ITGAE: variants seen among roughly 807,000 people sequenced by gnomAD.
ITGAE encodes the protein integrin alpha-E.
In ITGAE, 99 loss-of-function variants were observed where a neutral mutation model predicts 136.5. The observed-to-expected ratio is 0.73, with a 90% CI of 0.62 to 0.86. The LOEUF (loss-of-function observed/expected upper bound fraction) is 0.86, where lower values mean the gene tolerates loss of function less well. Among genes scored for constraint, ITGAE ranks in the 40% least tolerant of loss-of-function variants. The pLI is 0.00. For missense variants in ITGAE, 1,447 were observed against 1,515.3 expected (o/e 0.95, Z 0.75); for synonymous variants, 613 against 591.8 (o/e 1.04, Z -0.52).
chr17:3,733,017 T>C (rs2051381226), intron 21 of ITGAE, among the ~76,000 whole-genome samples: 1 of 152,170 alleles, frequency 6.6e-6, no homozygotes. Flanking sequence ...GGAGTTTCAC[T>C]CTTTCGCCCA....
intron 14 of ITGAE, among the ~76,000 whole-genome samples, chr17:3,752,118 T>C (rs2051887228): frequency 1.3e-5 from 2 of 151,962 alleles, no homozygotes; most frequent in Admixed American, 6.5e-5. Context: ...GCCCACTCCG[T>C]TGCCACCCAG....
intron 14 of ITGAE, 23 bp from the exon 15 acceptor site, chr17:3,751,897 A>C: frequency 1.2e-4 from 189 of 1,594,662 alleles, no homozygotes; most frequent in Non-Finnish European, 1.5e-4. Context: ...CAAACAGCTC[A>C]GCCCTCAAGA....
At chr17:3,747,721 A>G (rs1357143574) in intron 17 of ITGAE, among the ~76,000 whole-genome samples, 1 of 152,086 alleles carries the variant, frequency 6.6e-6, no homozygotes, top group African/African-American at 2.4e-5. Flanking sequence ...ACATAACCTC[A>G]GACCACCCTT....
chr17:3,795,930 CGTGT>C (rs10643973), intron 1 of ITGAE, among the ~76,000 whole-genome samples: 1 of 113,046 alleles, frequency 8.8e-6, no homozygotes, highest in Non-Finnish European at 1.8e-5. Context: ...TGTGTGCATC[CGTGT>C]GTGTGCATCC....
rs193072352 is a variant in ITGAE at position 3,776,435 on chromosome 17, G to A, written c.155+1105C>T. Among the ~76,000 whole-genome samples the A allele has an allele frequency of 6.5e-4, 99 of 152,266 alleles. 2 individuals carry two copies. The South Asian group carries it at 0.014, about 22-fold the overall frequency. ...TCCTGTGAAGTAGGTAGTTCCCCAC[G>A]CTGACTGCAGAGAAGGGAAACTGAA... On this transcript the variant is annotated intron_variant, in intron 2 of 30. Transcript: ENST00000263087.
intron 21 of ITGAE, among the ~76,000 whole-genome samples, chr17:3,733,583 G>T (rs1046486007): frequency 1.1e-4 from 17 of 151,884 alleles, no homozygotes; most frequent in Non-Finnish European, 2.1e-4. Flanking sequence ...ACCACACCTG[G>T]CTAATTTTTG....
intron 12 of ITGAE, 53 bp downstream of exon 12, chr17:3,755,064 A>G: frequency 1.3e-6 from 1 of 751,262 alleles, no homozygotes; most frequent in Admixed American, 3.1e-5. Flanking sequence ...GGGAGCCTCC[A>G]GGCCCCGCCC....
Position 3,759,470 on chromosome 17 carries a change from G to A in ITGAE, c.798C>T (p.Leu266=), listed in dbSNP as rs753568254. The A allele has an allele frequency of 8.1e-6, 13 of 1,614,024 alleles. No homozygotes were observed. Among genetic ancestry groups the A allele is most frequent in the East Asian group, 2.2e-5 (1 of 44,886 alleles). Residue 266 remains leucine, a synonymous_variant, in exon 8 of 31, where the codon CTC becomes CTT. Transcript: ENST00000263087. ...CTTGAGTGATGTTCTGGACTCTGGC[G>A]AGGGAGGCCATCACATCCTGGCTGT... is the stretch of plus-strand genomic sequence containing the variant. ...LRDSQDVMAS[L]ARVQNITQVG... is the part of the protein sequence containing the mutation.
chr17:3,769,032 A>G (rs865866788), intron 2 of ITGAE, among the ~76,000 whole-genome samples: 1 of 147,514 alleles, frequency 6.8e-6, no homozygotes. Flanking sequence ...TTCCTTAGCA[A>G]CCCTGCCTCT....
intron 18 of ITGAE, among the ~76,000 whole-genome samples, chr17:3,743,973 G>A (rs1285473213): frequency 1.3e-5 from 2 of 150,946 alleles, no homozygotes; most frequent in African/African-American, 4.9e-5. Flanking sequence ...AAAATGCTGG[G>A]ATTATAGGCG....
rs369073554 is a variant in ITGAE, at chr17:3,729,461, C to A, written c.2912+17G>T. 6.4e-7 allele frequency: 1 copy of A among 1,558,456 alleles called. No individual in the cohort carries two copies. Among genetic ancestry groups the A allele is most frequent in the Non-Finnish European group, 8.9e-7 (1 of 1,129,164 alleles). On this transcript the variant is annotated intron_variant, in intron 24 of 30. Transcript: ENST00000263087. ...GCGATGGAGTCACACCGCTGCTGGC[C>A]TCTTGGGAGTACTCACTTGGACAGA...
rs910993810 is a variant in ITGAE, at chr17:3,799,580, C to G, written c.34+1531G>C. 1.3e-5 allele frequency among the ~76,000 whole-genome samples: 2 copies of G among 152,158 alleles called. No individual in the cohort carries two copies. The highest frequency in any genetic ancestry group is 4.1e-4 in the South Asian group (2 of 4,820). On this transcript the variant is annotated intron_variant, in intron 1 of 30. Coordinates refer to ENST00000263087, the MANE Select transcript of ITGAE (RefSeq NM_002208.5). The surrounding 1 kb of genome is among the most constrained non-coding windows in gnomAD (Gnocchi z 4.1). ...TGTCTATTATCAGTTGCTTGCAAGCCTGGGTAGTCACTGCCCGCTCTGTGC... is the reference window on the plus strand; with the variant it reads ...TGTCTATTATCAGTTGCTTGCAAGCGTGGGTAGTCACTGCCCGCTCTGTGC...
intron 17 of ITGAE, among the ~76,000 whole-genome samples, chr17:3,747,044 C>G (rs1012766195): frequency 6.6e-6 from 1 of 152,212 alleles, no homozygotes; most frequent in Non-Finnish European, 1.5e-5. Context: ...GCTGAGGAAT[C>G]GTTCCAGGGG....
chr17:3,728,552 C>T (rs2976231), intron 24 of ITGAE: 65,018 of 174,174 alleles, frequency 0.37, 14,493 homozygotes, highest in African/African-American at 0.63. Flanking sequence ...TTCATATTTT[C>T]AGTAGAGACG....
At chr17:3,726,388 T>A in intron 26 of ITGAE, 1 of 1,282,652 alleles carries the variant, frequency 7.8e-7, no homozygotes, top group Non-Finnish European at 1.1e-6. Flanking sequence ...AAGCCTCTGG[T>A]GCTGTTTCAA....
In ITGAE at chr17:3,801,130, G is replaced by C. The variant is rs748046735; in HGVS notation, c.15C>G (p.His5Gln). Residue 5 changes from histidine to glutamine, a missense_variant, in exon 1 of 31, where the codon CAC becomes CAG. His to Gln is a conservative substitution (Grantham distance 24). Around this residue, in one of 3 missense-constraint regions of ITGAE, gnomAD observed 106 missense variants for 87.8 expected, o/e 1.21. Coordinates refer to ENST00000263087, the MANE Select transcript of ITGAE (RefSeq NM_002208.5). MWLF[H>Q]TLLCIASLAL... is the part of the protein sequence containing the mutation. ...ACTTACTGGCTATGCAGAGCAGAGT[G>C]TGGAAGAGCCACATCCTTGCTGGAG... is the stretch of plus-strand genomic sequence containing the variant. 6 of 1,612,258 alleles carry C rather than the reference G, an allele frequency of 3.7e-6. No homozygotes were observed. The East Asian group carries it at 8.9e-5, about 24-fold the overall frequency.
chr17:3,723,701 T>C lies in ITGAE; in HGVS notation c.3128A>G (p.Tyr1043Cys). 6.2e-7 allele frequency: 1 copy of C among 1,601,804 alleles called. No individual in the cohort carries two copies. The highest frequency in any genetic ancestry group is 8.5e-7 in the Non-Finnish European group (1 of 1,174,014). The part of the protein sequence containing the change: ...CTWSQERACA[Y>C]SSVQHVEEWH... Reference sequence around the variant, plus strand: ...GGCCGCGCTTACCTGAACCGAACTGTACGCACAAGCGCGCTCCTGACTCCA... The same window carrying C: ...GGCCGCGCTTACCTGAACCGAACTGCACGCACAAGCGCGCTCCTGACTCCA... Residue 1043 changes from tyrosine (Y) to cysteine (C), a missense_variant, in exon 27 of 31, where the codon TAC (tyrosine) becomes TGC (cysteine). Tyr to Cys is a radical substitution (Grantham distance 194, BLOSUM62 -2). This residue lies in a region of ITGAE where 1,031 missense variants were observed against 1,011.4 expected (regional missense o/e 1.02). Coordinates refer to ENST00000263087, the MANE Select transcript of ITGAE (RefSeq NM_002208.5).
At chr17:3,800,638 C>T (rs1233783364) in intron 1 of ITGAE, among the ~76,000 whole-genome samples, 1 of 152,212 alleles carries the variant, frequency 6.6e-6, no homozygotes, top group African/African-American at 2.4e-5. Flanking sequence ...CCAACACTCA[C>T]ACCCTCTACC....
intron 20 of ITGAE, among the ~76,000 whole-genome samples, chr17:3,738,548 G>A (rs1175669073): frequency 6.6e-6 from 1 of 152,170 alleles, no homozygotes; most frequent in East Asian, 1.9e-4. Context: ...AATTCAGTGT[G>A]GTCCAATAGA....
Sources: allele counts gnomAD v4.1 joint callset (sites outside exome capture counted in the v4.1 genomes callset), GRCh38; gene constraint gnomAD v4.1.1; regional missense constraint gnomAD v4.1.1; non-coding constraint Gnocchi (gnomAD v3.1); transcripts MANE v1.5; gene names NCBI Gene and HGNC (gene_info 2026-07-23, HGNC 2026-07-21).